The following PTPRD variants were observed in gnomAD, a reference collection of about 807,000 sequenced individuals.
PTPRD encodes the protein receptor-type tyrosine-protein phosphatase delta.
Under a neutral mutation model 214.5 loss-of-function variants are expected in PTPRD, and 34 were observed. The ratio of observed to expected loss-of-function variants is 0.16; its 90% confidence interval spans 0.12 to 0.21. PTPRD has a LOEUF of 0.21. Ranked by LOEUF, PTPRD falls within the 10% of genes least tolerant of loss-of-function variation. The pLI is 1.00. For missense variants in PTPRD, 2,545 were observed against 2,398.7 expected (o/e 1.06, Z -1.27); for synonymous variants, 1,128 against 845.7 (o/e 1.33, Z -5.79).
chr9:8,359,100 T>G (rs1588604281), intron 39 of PTPRD, among the ~76,000 whole-genome samples: 1 of 77,590 alleles, frequency 1.3e-5, no homozygotes, highest in Non-Finnish European at 2.1e-5. Flanking sequence ...AGAGCGAGAC[T>G]CCGTCTCAAA....
At chr9:9,512,615 C>A (rs533300327) in intron 8 of PTPRD, among the ~76,000 whole-genome samples, 1 of 151,814 alleles carries the variant, frequency 6.6e-6, no homozygotes, top group South Asian at 2.1e-4. Context: ...TATACAATGA[C>A]AATAAAAATC....
intron 8 of PTPRD, among the ~76,000 whole-genome samples, chr9:9,498,984 T>G (rs941451516): frequency 2.0e-5 from 3 of 152,072 alleles, no homozygotes; most frequent in African/African-American, 7.2e-5. Flanking sequence ...TCTTGCTGTC[T>G]CACTCTTGCT....
chr9:9,052,152 C>A (rs1007541692), intron 10 of PTPRD, among the ~76,000 whole-genome samples: 2 of 152,156 alleles, frequency 1.3e-5, no homozygotes, highest in Non-Finnish European at 2.9e-5. Context: ...CACCTTCTCG[C>A]TGTGCTCCCA....
At chr9:9,956,597 A>G (rs2093951536) in intron 4 of PTPRD, among the ~76,000 whole-genome samples, 1 of 152,162 alleles carries the variant, frequency 6.6e-6, no homozygotes, top group Non-Finnish European at 1.5e-5. Context: ...CACACATTTA[A>G]TCTAGTATTA....
Position 8,436,592 on chromosome 9 carries a change from C to T in PTPRD, c.4086G>A (p.Glu1362=). Reference sequence around the variant, plus strand: ...GTAAAGAATAAACACAGTGAATTACCTCATATTCCTGGGAAAACTTCAAGT... The same window carrying T: ...GTAAAGAATAAACACAGTGAATTACTTCATATTCCTGGGAAAACTTCAAGT... The part of the protein sequence containing the change: ...NDNLKFSQEY[E]SIDPGQQFTW... Residue 1362 remains glutamate, a splice_region_variant and synonymous_variant, in exon 35 of 46, where the codon GAG becomes GAA. Coordinates refer to ENST00000381196, the MANE Select transcript of PTPRD (RefSeq NM_002839.4). 6.2e-7 allele frequency: 1 copy of T among 1,605,488 alleles called. No individual in the cohort carries two copies. The highest frequency in any genetic ancestry group is 1.1e-5 in the South Asian group (1 of 90,860).
intron 7 of PTPRD, among the ~76,000 whole-genome samples, chr9:9,624,277 T>A (rs56725484): frequency 6.6e-6 from 1 of 151,540 alleles, no homozygotes; most frequent in Non-Finnish European, 1.5e-5. Flanking sequence ...CTAGTTTTTT[T>A]TTTGTTTGTT....
chr9:9,220,096 G>T (rs1213265512), intron 9 of PTPRD, among the ~76,000 whole-genome samples: 1 of 152,054 alleles, frequency 6.6e-6, no homozygotes, highest in East Asian at 1.9e-4. Context: ...GGGAGAAAAT[G>T]CTGTGAACCT....
chr9:10,094,593 T>C (rs570637854), intron 3 of PTPRD, among the ~76,000 whole-genome samples: 1 of 150,150 alleles, frequency 6.7e-6, no homozygotes, highest in South Asian at 2.1e-4. Flanking sequence ...AGAAACCCGT[T>C]ATCTTATTTC....
rs997077248 is a variant in PTPRD, at chr9:9,763,992, G to A, written c.-326+2818C>T. Among the ~76,000 whole-genome samples the A allele has an allele frequency of 2.6e-5, 4 of 151,974 alleles. 1 individual carries two copies. The highest frequency in any genetic ancestry group is 1.3e-4 in the Admixed American group (2 of 15,254). Reference sequence around the variant, plus strand: ...GTCAACCCCTCCAAGAAGCCAGATTGATTAAAATTTATTTTATATTTGCAC... The same window carrying A: ...GTCAACCCCTCCAAGAAGCCAGATTAATTAAAATTTATTTTATATTTGCAC... On this transcript the variant is annotated intron_variant, in intron 6 of 45. Coordinates refer to ENST00000381196, the MANE Select transcript of PTPRD (RefSeq NM_002839.4).
Position 9,467,254 on chromosome 9 carries a change from GT to G in PTPRD, c.-236-69773del, listed in dbSNP as rs554998546. Among the ~76,000 whole-genome samples the G allele has an allele frequency of 3.3e-3, 228 of 69,412 alleles. 2 individuals are homozygous for G. The highest frequency in any genetic ancestry group is 0.01 in the African/African-American group (195 of 19,000). 45.5% of individuals were successfully genotyped at this position (69,412 alleles called of 152,430 possible). A position where few individuals can be genotyped will look rare whatever the true frequency, so the allele number is the denominator to read the frequency against. ...TTTTTTTTTAACCTAATGCTTCCCAGTTTTTTTTTTTGGTCTTCTCTTTGGC... is the reference window on the plus strand; with the variant it reads ...TTTTTTTTTAACCTAATGCTTCCCAGTTTTTTTTTTGGTCTTCTCTTTGGC... On this transcript the variant is annotated intron_variant, in intron 8 of 45. Coordinates refer to ENST00000381196, the MANE Select transcript of PTPRD (RefSeq NM_002839.4).
At chr9:10,276,948 T>C (rs2094728717) in intron 3 of PTPRD, among the ~76,000 whole-genome samples, 1 of 152,144 alleles carries the variant, frequency 6.6e-6, no homozygotes, top group African/African-American at 2.4e-5. Flanking sequence ...CAGTGGGATA[T>C]GGTAAAGAAT....
chr9:8,927,841 C>A (rs762149632), intron 11 of PTPRD, among the ~76,000 whole-genome samples: 3 of 152,150 alleles, frequency 2.0e-5, no homozygotes, highest in Non-Finnish European at 4.4e-5. Context: ...AAAAGCATTC[C>A]TATTTCTCTA....
At chr9:9,293,463 G>C (rs1039874873) in intron 9 of PTPRD, among the ~76,000 whole-genome samples, 2 of 149,510 alleles carry the variant, frequency 1.3e-5, no homozygotes, top group Admixed American at 6.7e-5. Flanking sequence ...CATATCTTGT[G>C]TAGTTCCTGC....
intron 3 of PTPRD, among the ~76,000 whole-genome samples, chr9:10,215,854 TA>T (rs1384018509): frequency 6.6e-6 from 1 of 151,910 alleles, no homozygotes; most frequent in Non-Finnish European, 1.5e-5. Context: ...GAAAATTAAA[TA>T]AAAACATATA....
intron 9 of PTPRD, among the ~76,000 whole-genome samples, chr9:9,310,791 GCCTGTAATT>G (rs1357705416): frequency 1.3e-5 from 2 of 151,990 alleles, no homozygotes; most frequent in Non-Finnish European, 2.9e-5. Context: ...GGTGGCAAAT[GCCTGTAATT>G]CCAGCTACTC....
chr9:10,569,759 C>A (rs1171030871), intron 2 of PTPRD, among the ~76,000 whole-genome samples: 1 of 152,010 alleles, frequency 6.6e-6, no homozygotes, highest in Non-Finnish European at 1.5e-5. Context: ...CATGTGACCA[C>A]AATTCAATAG....
At chr9:9,115,523 G>A (rs532903786) in intron 10 of PTPRD, among the ~76,000 whole-genome samples, 1 of 152,266 alleles carries the variant, frequency 6.6e-6, no homozygotes, top group South Asian at 2.1e-4. Flanking sequence ...CTTATACACT[G>A]TTGGTGGGAA....
intron 11 of PTPRD, among the ~76,000 whole-genome samples, chr9:8,924,846 T>C (rs985220887): frequency 3.3e-5 from 5 of 152,148 alleles, no homozygotes; most frequent in African/African-American, 1.2e-4. Context: ...TTTCTTGAAA[T>C]GTGACAGTGC....
intron 11 of PTPRD, among the ~76,000 whole-genome samples, chr9:8,900,727 T>C (rs2098661450): frequency 6.6e-6 from 1 of 152,200 alleles, no homozygotes; most frequent in Admixed American, 6.5e-5. Context: ...GTCTTGTTTG[T>C]AGTGAATAAA....
Sources: allele counts gnomAD v4.1 joint callset (sites outside exome capture counted in the v4.1 genomes callset), GRCh38; gene constraint gnomAD v4.1.1; transcripts MANE v1.5; gene names NCBI Gene and HGNC (gene_info 2026-07-23, HGNC 2026-07-21).